DYRK1A: variants seen among roughly 807,000 people sequenced by gnomAD.
DYRK1A encodes the protein dual specificity tyrosine-phosphorylation-regulated kinase 1A.
Under a neutral mutation model 79.7 loss-of-function variants are expected in DYRK1A, and 9 were observed. That is an observed-to-expected ratio of 0.11 (90% CI 0.07 to 0.20). The LOEUF (loss-of-function observed/expected upper bound fraction) is 0.20. Ranked by LOEUF, DYRK1A falls within the 10% of genes least tolerant of loss-of-function variation. The probability of loss-of-function intolerance (pLI) is 1.00; values close to 1 mark genes in which losing one functional copy is unlikely to be tolerated. For missense variants in DYRK1A, 622 were observed against 956.0 expected (o/e 0.65, Z 4.61); for synonymous variants, 349 against 329.7 (o/e 1.06, Z -0.63).
chr21:37,380,701 T>G (rs1056666790), intron 1 of DYRK1A, among the ~76,000 whole-genome samples: 1 of 151,522 alleles, frequency 6.6e-6, no homozygotes, highest in Non-Finnish European at 1.5e-5. Flanking sequence ...TTTAAGCAAA[T>G]AGATGAACAA....
chr21:37,403,207 C>CT (rs61175392), intron 1 of DYRK1A, among the ~76,000 whole-genome samples: 252 of 151,304 alleles, frequency 1.7e-3, no homozygotes, highest in African/African-American at 5.6e-3. Flanking sequence ...TCTTTTTGTT[C>CT]TTTTTTTTAT....
intron 2 of DYRK1A, among the ~76,000 whole-genome samples, chr21:37,452,757 G>GTTTTTT (rs35209884): frequency 1.0e-5 from 1 of 96,516 alleles, no homozygotes; most frequent in African/African-American, 3.9e-5. Flanking sequence ...TCACACTCCC[G>GTTTTTT]TTTTTTTTTT....
intron 1 of DYRK1A, among the ~76,000 whole-genome samples, chr21:37,391,275 C>G (rs1366710085): frequency 1.3e-5 from 2 of 152,136 alleles, no homozygotes; most frequent in African/African-American, 2.4e-5. Context: ...CCTGTTCGTC[C>G]TCTTTCCAGG....
At position 37,445,039 on chromosome 21, in the gene DYRK1A, A is replaced by G. The variant is rs57025521; in HGVS notation, c.10+24655A>G. Among the ~76,000 whole-genome samples, 691 of 152,324 alleles carry G rather than the reference A, an allele frequency of 4.5e-3. 4 individuals are homozygous for G. Among genetic ancestry groups the G allele is most frequent in the African/African-American group, 0.016 (646 of 41,572 alleles). On this transcript the variant is annotated intron_variant, in intron 2 of 11. Coordinates refer to ENST00000647188, the MANE Select transcript of DYRK1A (RefSeq NM_001347721.2). ...AAAAGTTAAGAAAGGTGCCCCAGGG[A>G]CACAGCTAGTAAGTGGTGGAGCCAG...
At chr21:37,435,992 A>G (rs146184567) in intron 2 of DYRK1A, among the ~76,000 whole-genome samples, 478 of 96,402 alleles carry the variant, frequency 5.0e-3, no homozygotes, top group Non-Finnish European at 7.9e-3. Flanking sequence ...GGTTCTGCAG[A>G]AAAAAAAATC....
chr21:37,414,644 A>C (rs1005338476), intron 1 of DYRK1A, among the ~76,000 whole-genome samples: 1 of 152,106 alleles, frequency 6.6e-6, no homozygotes, highest in East Asian at 1.9e-4. Context: ...CTTTTAACCA[A>C]CTGTCTTAGA....
rs1037937079 is a variant in DYRK1A at position 37,454,494 on chromosome 21, G to T, written c.11-18190G>T. ...GGATGCTTATGGAGGTCACTTGATG[G>T]AATGAGTCTAAAAAGTGAAGCAATG... On this transcript the variant is annotated intron_variant, in intron 2 of 11. Transcript: ENST00000647188. Among the ~76,000 whole-genome samples the T allele has an allele frequency of 2.6e-5, 4 of 152,112 alleles. No individual in the cohort carries two copies. The East Asian group carries it at 7.7e-4, about 29-fold the overall frequency.
At chr21:37,398,132 G>A (rs983303967) in intron 1 of DYRK1A, among the ~76,000 whole-genome samples, 6 of 146,242 alleles carry the variant, frequency 4.1e-5, no homozygotes, top group East Asian at 3.9e-4. Flanking sequence ...TTATATATGT[G>A]TATATATATA....
intron 5 of DYRK1A, among the ~76,000 whole-genome samples, chr21:37,482,252 C>T (rs1380391643): frequency 1.3e-5 from 2 of 152,092 alleles, no homozygotes; most frequent in African/African-American, 2.4e-5. Context: ...AGCCAGATAT[C>T]GGGCAAAATT....
intron 2 of DYRK1A, among the ~76,000 whole-genome samples, chr21:37,443,867 C>T (rs1308030387): frequency 1.3e-5 from 2 of 152,180 alleles, no homozygotes; most frequent in African/African-American, 2.4e-5. Context: ...TTAGTGCCTA[C>T]CCTGATGACC....
intron 7 of DYRK1A, among the ~76,000 whole-genome samples, chr21:37,492,567 A>G (rs1298215934): frequency 6.7e-6 from 1 of 149,468 alleles, no homozygotes; most frequent in Non-Finnish European, 1.5e-5. Context: ...TTTAAATTAT[A>G]TTATATTGAA....
intron 1 of DYRK1A, among the ~76,000 whole-genome samples, chr21:37,372,059 T>G (rs535284109): frequency 9.8e-5 from 15 of 152,288 alleles, no homozygotes; most frequent in African/African-American, 3.1e-4. Flanking sequence ...TTTTCTCTTC[T>G]GGGTTTTTCA....
chr21:37,459,008 T>G (rs185870434), intron 2 of DYRK1A, among the ~76,000 whole-genome samples: 114 of 152,310 alleles, frequency 7.5e-4, no homozygotes, highest in Non-Finnish European at 1.3e-3. Context: ...GTTCACTGTT[T>G]TGTGTGTGGA....
At chr21:37,427,129 T>A (rs2050648324) in intron 2 of DYRK1A, among the ~76,000 whole-genome samples, 1 of 152,310 alleles carries the variant, frequency 6.6e-6, no homozygotes, top group Non-Finnish European at 1.5e-5. Flanking sequence ...AGATTTTTTT[T>A]AAGAGAGTCT....
chr21:37,505,086 G>A (rs2053554936), intron 9 of DYRK1A, 197 bp from the exon 10 acceptor site: 2 of 549,416 alleles, frequency 3.6e-6, no homozygotes, highest in East Asian at 6.0e-5. Context: ...GCCATTTTTG[G>A]TCTCAGAATT....
intron 1 of DYRK1A, among the ~76,000 whole-genome samples, chr21:37,395,440 G>C (rs1174581347): frequency 6.6e-6 from 1 of 152,156 alleles, no homozygotes; most frequent in Non-Finnish European, 1.5e-5. Flanking sequence ...GTTCTTCGGA[G>C]GGGGATGGAA....
chr21:37,464,696 A>T (rs2051964843), intron 2 of DYRK1A, among the ~76,000 whole-genome samples: 1 of 152,226 alleles, frequency 6.6e-6, no homozygotes, highest in African/African-American at 2.4e-5. Context: ...GGTAGATAGT[A>T]GGTTGAACCA....
At chr21:37,505,141 A>G (rs2053556092) in intron 9 of DYRK1A, 142 bp from the exon 10 acceptor site, 1 of 677,060 alleles carries the variant, frequency 1.5e-6, no homozygotes. Flanking sequence ...GTAATGTGTG[A>G]AAAGGCAGAG....
chr21:37,467,487 T>C (rs2052070417), intron 2 of DYRK1A, among the ~76,000 whole-genome samples: 1 of 152,254 alleles, frequency 6.6e-6, no homozygotes, highest in African/African-American at 2.4e-5. Context: ...CACCTTGGCC[T>C]CCAGATTGCT....
Sources: allele counts gnomAD v4.1 joint callset (sites outside exome capture counted in the v4.1 genomes callset), GRCh38; gene constraint gnomAD v4.1.1; transcripts MANE v1.5; gene names NCBI Gene and HGNC (gene_info 2026-07-23, HGNC 2026-07-21).